Variants in KHDRBS2 observed in about 807,000 individuals in gnomAD.
KHDRBS2 encodes the protein KH domain-containing, RNA-binding, signal transduction-associated protein 2.
In KHDRBS2, 26 loss-of-function variants were observed where a neutral mutation model predicts 44.3. The observed-to-expected ratio is 0.59, with a 90% CI of 0.43 to 0.81. The LOEUF (loss-of-function observed/expected upper bound fraction) is 0.81. Ranked by LOEUF, KHDRBS2 falls within the 40% of genes least tolerant of loss-of-function variation. KHDRBS2 has a pLI of 0.00. For missense variants in KHDRBS2, 476 were observed against 433.1 expected (o/e 1.10, Z -0.88); for synonymous variants, 194 against 151.1 (o/e 1.28, Z -2.08).
At chr6:61,709,007 G>C (rs1379938198) in intron 7 of KHDRBS2, among the ~76,000 whole-genome samples, 2 of 151,602 alleles carry the variant, frequency 1.3e-5, no homozygotes, top group Non-Finnish European at 3.0e-5. Context: ...CCAACTCCCA[G>C]TTTCCTGATC....
chr6:62,282,084 A>G (rs1841885461), intron 1 of KHDRBS2, among the ~76,000 whole-genome samples: 1 of 152,192 alleles, frequency 6.6e-6, no homozygotes, highest in Non-Finnish European at 1.5e-5. Context: ...TTTAGACATG[A>G]CACTAATAAC....
chr6:62,022,718 C>A (rs1782572563), intron 3 of KHDRBS2, among the ~76,000 whole-genome samples: 1 of 151,580 alleles, frequency 6.6e-6, no homozygotes, highest in African/African-American at 2.4e-5. Context: ...ATTCAAAGAC[C>A]AATAGAATTT....
intron 6 of KHDRBS2, among the ~76,000 whole-genome samples, chr6:61,773,911 C>T (rs1267503756): frequency 1.3e-5 from 2 of 151,734 alleles, no homozygotes; most frequent in African/African-American, 4.8e-5. Context: ...ATCCTTTCCC[C>T]ATTGCTTGTT....
intron 8 of KHDRBS2, among the ~76,000 whole-genome samples, chr6:61,696,268 T>C (rs1767893378): frequency 6.6e-6 from 1 of 151,814 alleles, no homozygotes; most frequent in Admixed American, 6.6e-5. Context: ...TTTATTTATT[T>C]ATTTTTGAGA....
chr6:62,087,778 GAA>G (rs1323002885), intron 2 of KHDRBS2, among the ~76,000 whole-genome samples: 2 of 152,162 alleles, frequency 1.3e-5, no homozygotes, highest in African/African-American at 4.8e-5. Context: ...ATAATATCCT[GAA>G]GAGTGTTTTC....
intron 2 of KHDRBS2, among the ~76,000 whole-genome samples, chr6:62,053,029 T>C (rs942988659): frequency 1.3e-5 from 2 of 152,090 alleles, no homozygotes; most frequent in African/African-American, 4.8e-5. Flanking sequence ...AACTGCGAGA[T>C]GATGGATATG....
At position 61,882,692 on chromosome 6, in the gene KHDRBS2, A is replaced by G. The variant is rs1195146802; in HGVS notation, c.810+11943T>C. 8.5e-5 allele frequency among the ~76,000 whole-genome samples: 13 copies of G among 152,180 alleles called. No homozygotes were observed. The East Asian group carries it at 2.5e-3, about 29-fold the overall frequency. On this transcript the variant is annotated intron_variant, in intron 6 of 8. Coordinates refer to ENST00000281156, the MANE Select transcript of KHDRBS2 (RefSeq NM_152688.4). ...AAGCCTTTGGATCATAAGATATTAT[A>G]GAAAATAATCACAAAGATCTGTTTC...
At chr6:62,202,372 A>C (rs1026646846) in intron 1 of KHDRBS2, among the ~76,000 whole-genome samples, 2 of 152,144 alleles carry the variant, frequency 1.3e-5, no homozygotes, top group Non-Finnish European at 2.9e-5. Flanking sequence ...TTTTATCTTT[A>C]TATATCTAAG....
At position 61,697,260 on chromosome 6, in the gene KHDRBS2, C is replaced by A. The variant is rs748263434; in HGVS notation, c.894-7G>T. ...GTCATAGTATTCAGGCACACTGCAA[C>A]AAATTTAGATAGCAATCAATGTTAC... is the stretch of plus-strand genomic sequence containing the variant. On this transcript the variant is annotated splice_region_variant and splice_polypyrimidine_tract_variant and intron_variant, in intron 7 of 8. Coordinates refer to ENST00000281156, the MANE Select transcript of KHDRBS2 (RefSeq NM_152688.4). 1 of 1,582,020 alleles carries A rather than the reference C, an allele frequency of 6.3e-7. No homozygotes were observed. Among genetic ancestry groups the A allele is most frequent in the Non-Finnish European group, 8.7e-7 (1 of 1,151,142 alleles).
chr6:61,721,487 T>C (rs909654536), intron 7 of KHDRBS2, among the ~76,000 whole-genome samples: 24 of 147,134 alleles, frequency 1.6e-4, no homozygotes, highest in African/African-American at 6.0e-4. Flanking sequence ...CTTGAAGAGG[T>C]CCTTCACGTC....
the KHDRBS2 span, among the ~76,000 whole-genome samples, chr6:61,643,466 A>G: frequency 6.6e-6 from 1 of 152,174 alleles, no homozygotes; most frequent in South Asian, 2.1e-4. Context: ...GGCCAGAGCA[A>G]TCAGGCAAGA....
At chr6:61,709,332 G>A (rs1436101428) in intron 7 of KHDRBS2, among the ~76,000 whole-genome samples, 1 of 151,448 alleles carries the variant, frequency 6.6e-6, no homozygotes, top group African/African-American at 2.4e-5. Context: ...TGACATATTT[G>A]CTCTACTCAT....
intron 4 of KHDRBS2, among the ~76,000 whole-genome samples, chr6:61,969,627 A>T (rs1770889224): frequency 6.6e-6 from 1 of 151,978 alleles, no homozygotes; most frequent in African/African-American, 2.4e-5. Context: ...TAAAGCTTCA[A>T]ATTCCTCAAA....
chr6:61,817,654 T>A (rs536014208), intron 6 of KHDRBS2, among the ~76,000 whole-genome samples: 81 of 152,210 alleles, frequency 5.3e-4, no homozygotes, highest in African/African-American at 1.8e-3. Context: ...GCTTTGGATA[T>A]TTATTAGTTA....
chr6:62,074,059 G>T (rs897298598), intron 2 of KHDRBS2, among the ~76,000 whole-genome samples: 3 of 151,770 alleles, frequency 2.0e-5, no homozygotes, highest in African/African-American at 4.8e-5. Flanking sequence ...GATGTGCTAA[G>T]CTGCACCCAT....
chr6:62,059,197 AG>A (rs1274966399), intron 2 of KHDRBS2, among the ~76,000 whole-genome samples: 2 of 30,130 alleles, frequency 6.6e-5, no homozygotes, highest in East Asian at 3.5e-3. Context: ...AAAGTTAGGA[AG>A]TTTTTTTTTT....
intron 1 of KHDRBS2, among the ~76,000 whole-genome samples, chr6:62,235,865 A>G (rs1451828247): frequency 1.3e-5 from 2 of 152,072 alleles, no homozygotes; most frequent in Non-Finnish European, 2.9e-5. Flanking sequence ...ATGAACCCAC[A>G]GAAGTGACAG....
chr6:61,704,941 G>A (rs1015595813), intron 7 of KHDRBS2, among the ~76,000 whole-genome samples: 12 of 151,746 alleles, frequency 7.9e-5, no homozygotes, highest in Non-Finnish European at 1.8e-4. Flanking sequence ...TAAATGATTT[G>A]TAAACACAAT....
chr6:61,595,377 A>G, the KHDRBS2 span, among the ~76,000 whole-genome samples: 2 of 152,102 alleles, frequency 1.3e-5, no homozygotes, highest in Non-Finnish European at 1.5e-5. Flanking sequence ...GTCACACAAA[A>G]TTTAGAAATT....
Sources: allele counts gnomAD v4.1 joint callset (sites outside exome capture counted in the v4.1 genomes callset), GRCh38; gene constraint gnomAD v4.1.1; transcripts MANE v1.5; gene names NCBI Gene and HGNC (gene_info 2026-07-23, HGNC 2026-07-21).